SH3GL3: variants seen among roughly 807,000 people sequenced by gnomAD.
The protein encoded by SH3GL3 is endophilin-A3.
In SH3GL3, 33 loss-of-function variants were observed where a neutral mutation model predicts 47.7. The ratio of observed to expected loss-of-function variants is 0.69; its 90% CI spans 0.52 to 0.92. SH3GL3 has a LOEUF of 0.92. Among genes scored for constraint, SH3GL3 ranks in the 40% least tolerant of loss-of-function variants. SH3GL3 has a pLI of 0.00. For missense variants in SH3GL3, 363 were observed against 417.8 expected, an observed-to-expected ratio of 0.87 and a Z score of 1.14; for synonymous variants, 155 against 148.8, an observed-to-expected ratio of 1.04 and a Z score of -0.30.
intron 1 of SH3GL3, among the ~76,000 whole-genome samples, chr15:83,497,000 C>T (rs916824831): frequency 3.0e-4 from 45 of 152,184 alleles, no homozygotes; most frequent in Admixed American, 2.7e-3. Context: ...ACCCCTCCCT[C>T]CACTATCTTT....
rs1267642751 is a variant in SH3GL3 at position 83,576,729 on chromosome 15, T to C, written c.612T>C (p.Phe204=). The C allele has an allele frequency of 1.2e-6, 2 of 1,602,406 alleles. No homozygotes were observed. The highest frequency in any genetic ancestry group is 1.7e-6 in the Non-Finnish European group (2 of 1,174,910). The change falls in exon 6 of 9, where the codon TTT becomes TTC. Residue 204 remains phenylalanine, a synonymous_variant. Coordinates refer to ENST00000427482, the MANE Select transcript of SH3GL3 (RefSeq NM_003027.5). ...TGGCTGAAAGAAGCATGTTTAACTT[T>C]TTAGAAAATGATGTAAGTATTTAAA... The part of the protein sequence containing the change: ...KELAERSMFN[F]LENDVEQVSQ...
At chr15:83,574,672 C>T (rs1455748751) in intron 5 of SH3GL3, among the ~76,000 whole-genome samples, 1 of 152,162 alleles carries the variant, frequency 6.6e-6, no homozygotes, top group Non-Finnish European at 1.5e-5. Context: ...GACCCTCAGC[C>T]CTTCACAGCC....
At chr15:83,618,005 C>A in intron 8 of SH3GL3, 77 bp from the exon 9 acceptor site, 1 of 1,015,192 alleles carries the variant, frequency 9.9e-7, no homozygotes, top group Non-Finnish European at 1.6e-6. Context: ...TCTCTCTGAG[C>A]TTTTCCACAT....
chr15:83,576,730 T>G lies in SH3GL3; in HGVS notation c.613T>G (p.Leu205Val), dbSNP rs1489969922. ...GGCTGAAAGAAGCATGTTTAACTTT[T>G]TAGAAAATGATGTAAGTATTTAAAC... ...ELAERSMFNF[L>V]ENDVEQVSQL... The change falls in exon 6 of 9, where the codon TTA (leucine) becomes GTA (valine). Residue 205 changes from leucine (L) to valine (V), a missense_variant. By Grantham distance (32) the Leu-to-Val change is conservative. Transcript: ENST00000427482. 6.2e-7 allele frequency: 1 copy of G among 1,601,804 alleles called. No homozygotes were observed. Among genetic ancestry groups the G allele is most frequent in the East Asian group, 2.2e-5 (1 of 44,832 alleles).
At chr15:83,501,751 G>A (rs183723013) in intron 1 of SH3GL3, among the ~76,000 whole-genome samples, 8 of 152,196 alleles carry the variant, frequency 5.3e-5, no homozygotes, top group African/African-American at 1.9e-4. Flanking sequence ...AATTAGCCAG[G>A]TGTAGAGGCC....
At chr15:83,450,710 T>C (rs965229817) in intron 1 of SH3GL3, among the ~76,000 whole-genome samples, 8 of 150,056 alleles carry the variant, frequency 5.3e-5, no homozygotes, top group Admixed American at 2.0e-4. Context: ...TTTTTCTTTT[T>C]TTTTTTTTTT....
chr15:83,465,871 A>T (rs1304540444), intron 1 of SH3GL3, among the ~76,000 whole-genome samples: 1 of 152,196 alleles, frequency 6.6e-6, no homozygotes, highest in Non-Finnish European at 1.5e-5. Context: ...AAATAATACC[A>T]ATCTCTTGTA....
intron 1 of SH3GL3, among the ~76,000 whole-genome samples, chr15:83,485,624 C>T (rs2041560595): frequency 6.6e-6 from 1 of 152,102 alleles, no homozygotes; most frequent in South Asian, 2.1e-4. Flanking sequence ...GCTGGAACTA[C>T]AGGCGTATGC....
At chr15:83,615,285 T>C (rs1323187844) in intron 8 of SH3GL3, among the ~76,000 whole-genome samples, 1 of 152,170 alleles carries the variant, frequency 6.6e-6, no homozygotes, top group Non-Finnish European at 1.5e-5. Flanking sequence ...GTAATGACTA[T>C]GAACTAGTTT....
chr15:83,473,740 G>A (rs1020987860), intron 1 of SH3GL3, among the ~76,000 whole-genome samples: 2 of 151,866 alleles, frequency 1.3e-5, no homozygotes, highest in Admixed American at 1.3e-4. Flanking sequence ...GTAGAGACGG[G>A]GTTTCACCGT....
chr15:83,546,818 A>T (rs1567324216), intron 1 of SH3GL3, among the ~76,000 whole-genome samples: 1 of 152,052 alleles, frequency 6.6e-6, no homozygotes, highest in Non-Finnish European at 1.5e-5. Flanking sequence ...TCTTTTCTGG[A>T]CCAGGATGGG....
rs71156085 is a variant in SH3GL3 at position 83,541,312 on chromosome 15, ATTTTT to A, written c.46-17906_46-17902del. On this transcript the variant is annotated intron_variant, in intron 1 of 8. Transcript: ENST00000427482. ...GATGGCTGGATCATATGGTAATTCTATTTTTTTTTTTTTTTTTTTTTTTTTTTTTT... is the reference window on the plus strand; with the variant it reads ...GATGGCTGGATCATATGGTAATTCTATTTTTTTTTTTTTTTTTTTTTTTTT... 1.7e-3 allele frequency among the ~76,000 whole-genome samples: 79 copies of A among 47,282 alleles called. 1 individual carries two copies. The highest frequency in any genetic ancestry group is 0.013 in the Middle Eastern group (1 of 78). 31.0% of individuals were successfully genotyped at this position (47,282 alleles called of 152,430 possible).
chr15:83,539,658 G>A (rs1037136117), intron 1 of SH3GL3, among the ~76,000 whole-genome samples: 9 of 152,124 alleles, frequency 5.9e-5, no homozygotes, highest in African/African-American at 2.2e-4. Flanking sequence ...TCAGATAGAT[G>A]TGTGGAAAAC....
At chr15:83,593,734 C>G (rs1158576733) in intron 8 of SH3GL3, among the ~76,000 whole-genome samples, 44 of 152,118 alleles carry the variant, frequency 2.9e-4, no homozygotes, top group Non-Finnish European at 2.9e-5. Flanking sequence ...TTAGAGTGGA[C>G]ATCCTTGCTT....
At chr15:83,632,904 G>A in the SH3GL3 span, among the ~76,000 whole-genome samples, 3 of 152,108 alleles carry the variant, frequency 2.0e-5, no homozygotes, top group East Asian at 1.9e-4. Flanking sequence ...GGAGAGACAC[G>A]CCACAAAAGA....
intron 1 of SH3GL3, among the ~76,000 whole-genome samples, chr15:83,487,140 GA>G (rs2041634970): frequency 6.6e-6 from 1 of 151,654 alleles, no homozygotes; most frequent in African/African-American, 2.4e-5. Context: ...TATATACCCT[GA>G]GTGGAATTGC....
chr15:83,588,014 G>A (rs190417967), intron 7 of SH3GL3, among the ~76,000 whole-genome samples: 1 of 152,330 alleles, frequency 6.6e-6, no homozygotes, highest in Admixed American at 6.5e-5. Flanking sequence ...ATCTATAAGA[G>A]TAGAGTGAGG....
Position 83,463,767 on chromosome 15 carries a change from C to T in SH3GL3, c.45+16189C>T, listed in dbSNP as rs200927049. Among the ~76,000 whole-genome samples, 612 of 122,900 alleles carry T rather than the reference C, an allele frequency of 5.0e-3. 8 individuals carry two copies. The highest frequency in any genetic ancestry group is 0.019 in the African/African-American group (573 of 30,956). The allele number at this position is 122,900 out of a possible 152,430, so 80.6% of individuals were successfully genotyped here. On this transcript the variant is annotated intron_variant, in intron 1 of 8. Coordinates refer to ENST00000427482, the MANE Select transcript of SH3GL3 (RefSeq NM_003027.5). ...TGTCCCATGTCTGCTTTCTTTCTTT[C>T]TTTTTTTTTTTTTTTTTTTGAGACA... is the stretch of plus-strand genomic sequence containing the variant.
intron 1 of SH3GL3, among the ~76,000 whole-genome samples, chr15:83,512,383 G>A (rs1280477855): frequency 6.6e-6 from 1 of 152,100 alleles, no homozygotes; most frequent in African/African-American, 2.4e-5. Context: ...GCTGCTGCAA[G>A]GTCTGGGTAG....
Sources: allele counts gnomAD v4.1 joint callset (sites outside exome capture counted in the v4.1 genomes callset), GRCh38; gene constraint gnomAD v4.1.1; transcripts MANE v1.5; gene names NCBI Gene and HGNC (gene_info 2026-07-23, HGNC 2026-07-21).